PPP2R1B: variants seen among roughly 807,000 people sequenced by gnomAD.
PPP2R1B encodes the protein protein phosphatase 2 scaffold subunit Abeta.
Under a neutral mutation model 72.7 loss-of-function variants are expected in PPP2R1B, and 58 were observed. That is an observed-to-expected ratio of 0.80 (90% CI 0.65 to 0.99). The LOEUF is 0.99. PPP2R1B is among the 50% of genes least tolerant of loss of function. The pLI is 0.00. For missense variants in PPP2R1B, 695 were observed against 733.6 expected (o/e 0.95, Z 0.61); for synonymous variants, 256 against 264.6 (o/e 0.97, Z 0.32).
At chr11:111,759,655 A>C (rs1366698305) in intron 5 of PPP2R1B, 149 bp downstream of exon 5, 1 of 771,400 alleles carries the variant, frequency 1.3e-6, no homozygotes, top group Non-Finnish European at 1.9e-6. Flanking sequence ...GAACATTGAG[A>C]TAAGCATGTT....
Position 111,742,081 on chromosome 11 carries a change from G to C in PPP2R1B, c.1761C>G (p.Val587=). The C allele has an allele frequency of 3.7e-6, 6 of 1,613,808 alleles. No homozygotes were observed. Among genetic ancestry groups the C allele is most frequent in the Non-Finnish European group, 5.1e-6 (6 of 1,179,766 alleles). Residue 587 remains valine, a synonymous_variant, in exon 14 of 15, where the codon GTC becomes GTG. Transcript: ENST00000527614. ...TTATAGCTTCCTGTGCAAAGTATTTGACATCCATGTCTTCATCTTGACCTA... is the reference window on the plus strand; with the variant it reads ...TTATAGCTTCCTGTGCAAAGTATTTCACATCCATGTCTTCATCTTGACCTA... ...QKLGQDEDMD[V]KYFAQEAISV...
the PPP2R1B span, among the ~76,000 whole-genome samples, chr11:111,715,199 G>T: frequency 6.6e-6 from 1 of 152,216 alleles, no homozygotes; most frequent in African/African-American, 2.4e-5. Context: ...ACTCAGTCAG[G>T]CCATAGACAT....
At chr11:111,754,171 C>A (rs1555048818) in intron 8 of PPP2R1B, among the ~76,000 whole-genome samples, 1 of 152,178 alleles carries the variant, frequency 6.6e-6, no homozygotes, top group African/African-American at 2.4e-5. Context: ...CCCACCTCAG[C>A]GTCCCAAAGT....
chr11:111,748,633 G>A (rs1033170495), intron 10 of PPP2R1B, among the ~76,000 whole-genome samples: 16 of 152,132 alleles, frequency 1.1e-4, no homozygotes, highest in South Asian at 2.1e-4. Context: ...GATGGGCTCC[G>A]GGAGCAGATT....
the PPP2R1B span, among the ~76,000 whole-genome samples, chr11:111,695,199 C>A: frequency 6.6e-6 from 1 of 152,266 alleles, no homozygotes; most frequent in East Asian, 1.9e-4. Context: ...TTCATCGAGG[C>A]TGGGTAGCTG....
intron 11 of PPP2R1B, among the ~76,000 whole-genome samples, chr11:111,745,386 A>G (rs919201307): frequency 6.6e-6 from 1 of 152,110 alleles, no homozygotes; most frequent in African/African-American, 2.4e-5. Flanking sequence ...TTAGATTTTT[A>G]TCATAATGCC....
the PPP2R1B span, among the ~76,000 whole-genome samples, chr11:111,707,095 G>A: frequency 7.2e-5 from 11 of 151,960 alleles, no homozygotes; most frequent in Non-Finnish European, 1.2e-4. Context: ...TTTCAAGACC[G>A]AGAAAGAAGG....
At chr11:111,761,901 A>G (rs1228648672) in intron 3 of PPP2R1B, among the ~76,000 whole-genome samples, 2 of 152,200 alleles carry the variant, frequency 1.3e-5, no homozygotes, top group Middle Eastern at 3.2e-3. Flanking sequence ...CAGAGGTTGC[A>G]GTGAGCCGAG....
chr11:111,722,850 T>C (rs1943843439), downstream of PPP2R1B: 2 of 1,171,302 alleles, frequency 1.7e-6, no homozygotes, highest in African/African-American at 1.5e-5. The surrounding 1 kb of genome is among the most constrained non-coding windows in gnomAD (Gnocchi z 4.4). Flanking sequence ...CATTCGCCAC[T>C]ACTAGGAAAA....
At chr11:111,752,518 A>G (rs1555048300) in intron 9 of PPP2R1B, among the ~76,000 whole-genome samples, 186 bp from the exon 10 acceptor site, 1 of 152,246 alleles carries the variant, frequency 6.6e-6, no homozygotes, top group African/African-American at 2.4e-5. Flanking sequence ...AGAAATTTCA[A>G]TTAAAAGTCC....
intron 6 of PPP2R1B, 76 bp from the exon 7 acceptor site, chr11:111,755,170 T>G: frequency 3.3e-6 from 5 of 1,533,920 alleles, no homozygotes; most frequent in Non-Finnish European, 4.4e-6. Context: ...TTGTGCAATC[T>G]GTAAATACAT....
At position 111,738,408 on chromosome 11, in the gene PPP2R1B, GC is replaced by G. The variant is rs1944404549; in HGVS notation, c.*3187del. 1 of 985,374 alleles carries G rather than the reference GC, an allele frequency of 1.0e-6. No individual in the cohort carries two copies. The highest frequency in any genetic ancestry group is 1.2e-6 in the Non-Finnish European group (1 of 829,970). 61.0% of individuals were successfully genotyped at this position (985,374 alleles called of 1,614,324 possible). Reference sequence around the variant, plus strand: ...GAGCCAATGTGACGTCTAAGGGCAAGCCCCAGCCTTTCAGTTTAGTGACAAC... The same window carrying G: ...GAGCCAATGTGACGTCTAAGGGCAAGCCCAGCCTTTCAGTTTAGTGACAAC... On this transcript the variant is annotated 3_prime_UTR_variant, in exon 15 of 15. Coordinates refer to ENST00000527614, the MANE Select transcript of PPP2R1B (RefSeq NM_002716.5).
chr11:111,699,377 G>A, the PPP2R1B span, among the ~76,000 whole-genome samples: 1 of 152,136 alleles, frequency 6.6e-6, no homozygotes, highest in Non-Finnish European at 1.5e-5. Context: ...ACAGTTGGTG[G>A]TAATGGTTTC....
At chr11:111,722,849 C>T, downstream of PPP2R1B, 1 of 1,181,138 alleles carries the variant, frequency 8.5e-7, no homozygotes. The surrounding 1 kb of genome is among the most constrained non-coding windows in gnomAD (Gnocchi z 4.4). Context: ...ACATTCGCCA[C>T]TACTAGGAAA....
downstream of PPP2R1B, chr11:111,724,899 A>G (rs1943920950): frequency 6.6e-6 from 1 of 152,334 alleles, no homozygotes; most frequent in Non-Finnish European, 1.5e-5. Flanking sequence ...GCAGGGGGCA[A>G]GAAACTCAAG....
chr11:111,690,360 G>A, the PPP2R1B span, among the ~76,000 whole-genome samples: 2 of 149,818 alleles, frequency 1.3e-5, no homozygotes, highest in Non-Finnish European at 1.5e-5. Context: ...TTACCAAAAC[G>A]AAATATTTAC....
At chr11:111,766,142 C>T (rs1451251934) in intron 1 of PPP2R1B, 106 bp downstream of exon 1, 3 of 1,055,078 alleles carry the variant, frequency 2.8e-6, no homozygotes, top group Non-Finnish European at 4.2e-6. Flanking sequence ...GCTACGAGTC[C>T]GACTCATTCA....
intron 15 of PPP2R1B, chr11:111,727,694 C>G (rs1292003213): frequency 6.5e-6 from 1 of 152,908 alleles, no homozygotes; most frequent in East Asian, 1.9e-4. Context: ...GAATTCTGCC[C>G]ACGGGTTAGA....
At chr11:111,700,701 C>T in the PPP2R1B span, among the ~76,000 whole-genome samples, 2 of 152,142 alleles carry the variant, frequency 1.3e-5, no homozygotes, top group African/African-American at 4.8e-5. Context: ...AGCAACATTC[C>T]TTGAGTACTA....
Sources: gnomAD v4.1 joint callset for allele counts (sites outside exome capture counted in the v4.1 genomes callset) on GRCh38, gnomAD v4.1.1 for gene constraint, Gnocchi (gnomAD v3.1) non-coding constraint, MANE v1.5 for transcripts, NCBI Gene and HGNC (gene_info 2026-07-23, HGNC 2026-07-21) for gene names.